The following ADAM17 variants were observed in gnomAD, a reference collection of about 807,000 sequenced individuals.
ADAM17 encodes ADAM metallopeptidase domain 17.
Under a neutral mutation model 96.7 loss-of-function variants are expected in ADAM17, and 39 were observed. The ratio of observed to expected loss-of-function variants is 0.40; its 90% CI spans 0.31 to 0.53. ADAM17 has a LOEUF of 0.53. ADAM17 is among the 20% of genes least tolerant of loss of function. The pLI is 0.44. For missense variants in ADAM17, 777 were observed against 1,013.2 expected (o/e 0.77, Z 3.17); for synonymous variants, 344 against 359.2 (o/e 0.96, Z 0.48).
intron 2 of ADAM17, among the ~76,000 whole-genome samples, chr2:9,539,903 A>G (rs1158787491): frequency 1.3e-5 from 2 of 152,208 alleles, no homozygotes; most frequent in African/African-American, 4.8e-5. Flanking sequence ...GGATTAAAGG[A>G]AATAACCTAT....
intron 14 of ADAM17, among the ~76,000 whole-genome samples, chr2:9,495,955 C>T (rs1166279983): frequency 6.6e-6 from 1 of 151,260 alleles, no homozygotes; most frequent in Non-Finnish European, 1.5e-5. Flanking sequence ...CCACCTTGGC[C>T]TCCCAAAGTG....
At chr2:9,517,547 G>C (rs1664110830) in intron 10 of ADAM17, among the ~76,000 whole-genome samples, 1 of 152,330 alleles carries the variant, frequency 6.6e-6, no homozygotes, top group South Asian at 2.1e-4. Context: ...GAAAGAGGGA[G>C]ACCATGGGGT....
chr2:9,524,480 A>T (rs1664440320), intron 6 of ADAM17, among the ~76,000 whole-genome samples: 1 of 146,880 alleles, frequency 6.8e-6, no homozygotes. Flanking sequence ...ACAGAGCCTT[A>T]AAAAAAAAAA....
intron 1 of ADAM17, among the ~76,000 whole-genome samples, chr2:9,546,276 T>C (rs1236301690): frequency 6.6e-6 from 1 of 152,200 alleles, no homozygotes; most frequent in Non-Finnish European, 1.5e-5. Flanking sequence ...TAAGCACTTT[T>C]TAAATGTAGC....
At chr2:9,511,617 T>C (rs1051134737) in intron 10 of ADAM17, among the ~76,000 whole-genome samples, 1 of 152,228 alleles carries the variant, frequency 6.6e-6, no homozygotes, top group Non-Finnish European at 1.5e-5. Context: ...GATTTCTATA[T>C]GAATAATAAA....
Position 9,505,929 on chromosome 2 carries a change from A to G in ADAM17, c.1345-564T>C, listed in dbSNP as rs184339558. ...ACATTTTATATAAATTAAATCCCCA[A>G]TTGTTACCTAAACATTTTCATCAAC... On this transcript the variant is annotated intron_variant, in intron 11 of 18. Transcript: ENST00000310823. Among the ~76,000 whole-genome samples, 787 of 152,230 alleles carry G rather than the reference A, an allele frequency of 5.2e-3. 7 individuals are homozygous for G. The highest frequency in any genetic ancestry group is 0.018 in the African/African-American group (731 of 41,534).
chr2:9,526,377 C>A (rs1664532247), intron 5 of ADAM17, 133 bp from the exon 6 acceptor site: 10 of 906,246 alleles, frequency 1.1e-5, no homozygotes, highest in South Asian at 9.0e-5. Context: ...TTCTGAACAA[C>A]AACAAAAAAT....
chr2:9,551,897 G>A (rs911683916), intron 1 of ADAM17, among the ~76,000 whole-genome samples: 2 of 152,166 alleles, frequency 1.3e-5, no homozygotes, highest in Non-Finnish European at 2.9e-5. Flanking sequence ...ATTCCTGACT[G>A]ATTTTACATG....
At position 9,541,227 on chromosome 2, in the gene ADAM17, C is replaced by T. The variant is rs190558756; in HGVS notation, c.230+1926G>A. ...AATGAGGTAAATATGCTATCTATAT[C>T]ACCTATACACACACAGAGACCTATA... is the stretch of plus-strand genomic sequence containing the variant. On this transcript the variant is annotated intron_variant, in intron 2 of 18. Transcript: ENST00000310823. Among the ~76,000 whole-genome samples the T allele has an allele frequency of 7.2e-5, 11 of 152,252 alleles. 1 individual carries two copies. Among genetic ancestry groups the T allele is most frequent in the Admixed American group, 2.6e-4 (4 of 15,288 alleles).
intron 6 of ADAM17, 62 bp from the exon 7 acceptor site, chr2:9,523,400 A>C: frequency 7.2e-7 from 1 of 1,380,670 alleles, no homozygotes; most frequent in South Asian, 1.2e-5. Flanking sequence ...TGGCAATGCA[A>C]TATAAAATCT....
chr2:9,509,390 T>C (rs953600906), intron 11 of ADAM17, among the ~76,000 whole-genome samples: 8 of 152,224 alleles, frequency 5.3e-5, no homozygotes, highest in Non-Finnish European at 5.9e-5. Flanking sequence ...ACAAATCAAC[T>C]AGTATTCTCT....
intron 10 of ADAM17, among the ~76,000 whole-genome samples, chr2:9,516,688 G>C (rs889119685): frequency 6.6e-6 from 1 of 152,100 alleles, no homozygotes; most frequent in Non-Finnish European, 1.5e-5. Context: ...AGAAGGCAGA[G>C]GTTACAGTGA....
At chr2:9,490,766 T>G (rs1270670021) in intron 18 of ADAM17, among the ~76,000 whole-genome samples, 5 of 152,190 alleles carry the variant, frequency 3.3e-5, no homozygotes, top group Non-Finnish European at 7.3e-5. Context: ...GAAAACTTAC[T>G]TACCATTTGA....
intron 4 of ADAM17, among the ~76,000 whole-genome samples, chr2:9,528,920 CAT>C (rs1664632353): frequency 6.6e-6 from 1 of 152,158 alleles, no homozygotes; most frequent in African/African-American, 2.4e-5. Context: ...GTAGAAGTAC[CAT>C]ATGACCCAGC....
rs893995863 is a variant in ADAM17, at chr2:9,489,067, A to ATCAAG, written c.*1105_*1109dup. On this transcript the variant is annotated 3_prime_UTR_variant, in exon 19 of 19. Transcript: ENST00000310823. ...GGTCAATAAAAAGGGTTTCTGAAGTATCAAGTCTTGTGGGGACAGCCCCCA... is the reference window on the plus strand; with the variant it reads ...GGTCAATAAAAAGGGTTTCTGAAGTATCAAGTCAAGTCTTGTGGGGACAGCCCCCA... 2.6e-5 allele frequency: 4 copies of ATCAAG among 152,206 alleles called. No homozygotes were observed. The highest frequency in any genetic ancestry group is 7.2e-5 in the African/African-American group (3 of 41,438). The allele number at this position is 152,206 out of a possible 1,614,324, so 9.4% of individuals were successfully genotyped here. A position where few individuals can be genotyped will look rare whatever the true frequency, so the allele number is the denominator to read the frequency against.
intron 2 of ADAM17, among the ~76,000 whole-genome samples, chr2:9,537,201 T>C (rs548091208): frequency 6.6e-6 from 1 of 152,334 alleles, no homozygotes; most frequent in South Asian, 2.1e-4. Context: ...TACCATTTAT[T>C]GAACACCTAC....
At position 9,537,259 on chromosome 2, in the gene ADAM17, A is replaced by C. The variant is rs963281199; in HGVS notation, c.231-431T>G. On this transcript the variant is annotated intron_variant, in intron 2 of 18. Coordinates refer to ENST00000310823, the MANE Select transcript of ADAM17 (RefSeq NM_003183.6). ...TATTATCCCCACTTCACACAAGTAC[A>C]AATTGAGGCTTGGAAGCTAATCAAC... 2.0e-5 allele frequency among the ~76,000 whole-genome samples: 3 copies of C among 152,320 alleles called. No homozygotes were observed. The South Asian group carries it at 6.2e-4, about 32-fold the overall frequency.
rs183198426 is a variant in ADAM17, at chr2:9,533,330, T to C, written c.450+2504A>G. On this transcript the variant is annotated intron_variant, in intron 4 of 18. Coordinates refer to ENST00000310823, the MANE Select transcript of ADAM17 (RefSeq NM_003183.6). ...TTCAGAGGCCGAGGCTGGCAGATCATGAGGTCAGGAGATCGAGACCATCCT... is the reference window on the plus strand; with the variant it reads ...TTCAGAGGCCGAGGCTGGCAGATCACGAGGTCAGGAGATCGAGACCATCCT... 2.9e-3 allele frequency among the ~76,000 whole-genome samples: 444 copies of C among 152,066 alleles called. 2 individuals are homozygous for C. The highest frequency in any genetic ancestry group is 0.01 in the African/African-American group (431 of 41,488).
chr2:9,522,548 T>C, intron 7 of ADAM17: 1 of 477,264 alleles, frequency 2.1e-6, no homozygotes, highest in South Asian at 4.2e-5. Flanking sequence ...GGTGAATGAT[T>C]TTTAAAAATT....
Sources: allele counts gnomAD v4.1 joint callset (sites outside exome capture counted in the v4.1 genomes callset), GRCh38; gene constraint gnomAD v4.1.1; transcripts MANE v1.5; gene names NCBI Gene and HGNC (gene_info 2026-07-23, HGNC 2026-07-21).